VDAC1: variants seen among roughly 807,000 people sequenced by gnomAD.
VDAC1 encodes the protein non-selective voltage-gated ion channel VDAC1.
Under a neutral mutation model 34.7 loss-of-function variants are expected in VDAC1, and 10 were observed. The ratio of observed to expected loss-of-function variants is 0.29; its 90% CI spans 0.18 to 0.49. The LOEUF is 0.49. VDAC1 is among the 20% of genes least tolerant of loss of function. The pLI, the probability that VDAC1 is intolerant of heterozygous loss-of-function variation, is 0.99. For synonymous variants in VDAC1, 130 were observed against 136.0 expected, an observed-to-expected ratio of 0.96 and a Z score of 0.30; for missense variants, 230 against 347.9, an observed-to-expected ratio of 0.66 and a Z score of 2.69.
the VDAC1 span, among the ~76,000 whole-genome samples, chr5:134,097,922 T>A: frequency 4.6e-5 from 7 of 151,882 alleles, no homozygotes; most frequent in Non-Finnish European, 1.0e-4. Flanking sequence ...CTAGCTGGAG[T>A]GCAACGGCAA....
chr5:134,108,605 T>TG, the VDAC1 span, among the ~76,000 whole-genome samples: 1 of 152,096 alleles, frequency 6.6e-6, no homozygotes, highest in Admixed American at 6.5e-5. Flanking sequence ...TGAAGCCCCA[T>TG]GCAAGGCAGT....
At chr5:134,036,952 CA>C in the VDAC1 span, among the ~76,000 whole-genome samples, 47 of 38,288 alleles carry the variant, frequency 1.2e-3, no homozygotes, top group East Asian at 0.031. Context: ...GACTCCGTCT[CA>C]AAAAAAAAAA....
At chr5:134,109,275 G>A in the VDAC1 span, among the ~76,000 whole-genome samples, 2 of 152,204 alleles carry the variant, frequency 1.3e-5, no homozygotes, top group Non-Finnish European at 2.9e-5. Flanking sequence ...TTCTCAATAA[G>A]ACATTCCTCT....
intron 7 of VDAC1, among the ~76,000 whole-genome samples, chr5:133,975,110 T>A (rs1020033364): frequency 4.4e-4 from 66 of 151,564 alleles, no homozygotes; most frequent in African/African-American, 1.3e-3. Context: ...CTACTAAAAA[T>A]TTTTTTTTAA....
intron 6 of VDAC1, among the ~76,000 whole-genome samples, chr5:133,978,128 A>G (rs1265861337): frequency 6.6e-6 from 1 of 152,106 alleles, no homozygotes; most frequent in African/African-American, 2.4e-5. Context: ...TAGTCTTCAC[A>G]AGACACTCTC....
chr5:133,999,592 A>T (rs1255877540), intron 1 of VDAC1, among the ~76,000 whole-genome samples: 2 of 151,840 alleles, frequency 1.3e-5, no homozygotes, highest in African/African-American at 4.8e-5. Flanking sequence ...CGGGGTACTC[A>T]CCCCGAGTCT....
chr5:134,085,005 T>C, the VDAC1 span, among the ~76,000 whole-genome samples: 1 of 152,140 alleles, frequency 6.6e-6, no homozygotes, highest in Non-Finnish European at 1.5e-5. Flanking sequence ...GCCTGGGATC[T>C]CTGGGGTCCT....
intron 6 of VDAC1, among the ~76,000 whole-genome samples, chr5:133,979,482 C>T (rs1366134093): frequency 4.4e-5 from 5 of 114,512 alleles, no homozygotes; most frequent in African/African-American, 6.7e-5. Context: ...CAGGCTAGAG[C>T]GCAGTGGCGT....
At chr5:134,027,766 A>AC in the VDAC1 span, among the ~76,000 whole-genome samples, 1 of 131,484 alleles carries the variant, frequency 7.6e-6, no homozygotes, top group Non-Finnish European at 1.6e-5. Context: ...GATCTTGCCT[A>AC]CTTTTTTTTT....
At chr5:133,994,931 C>T (rs1341022224) in intron 1 of VDAC1, among the ~76,000 whole-genome samples, 2 of 152,132 alleles carry the variant, frequency 1.3e-5, no homozygotes, top group East Asian at 3.9e-4. Flanking sequence ...GAGCCTTCCC[C>T]ACGACTCTCC....
Position 134,003,292 on chromosome 5 carries a change from A to G in VDAC1, c.-7+1603T>C, listed in dbSNP as rs533297557. On this transcript the variant is annotated intron_variant, in intron 1 of 8. Transcript: ENST00000265333. Reference sequence around the variant, plus strand: ...GGCAGAATGAAGGCTGGCCCTCGGTAGTCTGCTCTGGCCTTCTCCTGCCTC... The same window carrying G: ...GGCAGAATGAAGGCTGGCCCTCGGTGGTCTGCTCTGGCCTTCTCCTGCCTC... 3.9e-5 allele frequency among the ~76,000 whole-genome samples: 6 copies of G among 152,294 alleles called. No homozygotes were observed. In the East Asian group the frequency reaches 7.7e-4, roughly 20 times the overall value.
chr5:134,064,401 T>G, the VDAC1 span, among the ~76,000 whole-genome samples: 2 of 151,946 alleles, frequency 1.3e-5, no homozygotes, highest in East Asian at 1.9e-4. Flanking sequence ...CGCCTCCTGG[T>G]GCAAGCAATT....
chr5:134,099,756 TA>T, the VDAC1 span, among the ~76,000 whole-genome samples: 5 of 152,350 alleles, frequency 3.3e-5, no homozygotes, highest in South Asian at 1.0e-3. Context: ...ATTTTGTTTT[TA>T]TTTTTTGTAG....
chr5:134,019,443 G>A, the VDAC1 span, among the ~76,000 whole-genome samples: 1 of 152,122 alleles, frequency 6.6e-6, no homozygotes, highest in East Asian at 1.9e-4. Flanking sequence ...AGCCAGATAT[G>A]GTGGTGAACA....
chr5:134,081,289 G>A, the VDAC1 span, among the ~76,000 whole-genome samples: 16 of 151,732 alleles, frequency 1.1e-4, no homozygotes, highest in African/African-American at 3.4e-4. Context: ...TGCCCGCCTC[G>A]GCCTCCCAAA....
At chr5:134,022,677 G>T in the VDAC1 span, among the ~76,000 whole-genome samples, 1 of 152,226 alleles carries the variant, frequency 6.6e-6, no homozygotes, top group African/African-American at 2.4e-5. Context: ...GCACTACGAG[G>T]ATGGGGGTGG....
the VDAC1 span, among the ~76,000 whole-genome samples, chr5:134,061,113 C>A: frequency 6.6e-6 from 1 of 150,478 alleles, no homozygotes; most frequent in East Asian, 1.9e-4. Flanking sequence ...GATCTGCCCA[C>A]CTCGGCCTCC....
chr5:133,989,558 C>T (rs955811737), intron 5 of VDAC1, among the ~76,000 whole-genome samples: 5 of 151,876 alleles, frequency 3.3e-5, no homozygotes, highest in Admixed American at 3.3e-4. Context: ...TGGGGTTTTG[C>T]CATGTTGCCC....
At chr5:134,070,966 C>G in the VDAC1 span, among the ~76,000 whole-genome samples, 2 of 152,192 alleles carry the variant, frequency 1.3e-5, no homozygotes, top group African/African-American at 4.8e-5. Context: ...TCACAGGAAA[C>G]CGGTCCAAGC....
Sources: allele counts gnomAD v4.1 joint callset (sites outside exome capture counted in the v4.1 genomes callset), GRCh38; gene constraint gnomAD v4.1.1; transcripts MANE v1.5; gene names NCBI Gene and HGNC (gene_info 2026-07-23, HGNC 2026-07-21).